Variants in SYNE1 observed in about 807,000 individuals in gnomAD.
SYNE1 encodes the protein spectrin repeat containing nuclear envelope protein 1, also known as nesprin-1.
In SYNE1, 616 loss-of-function variants were observed where a neutral mutation model predicts 1,111.0. That is an observed-to-expected ratio of 0.55 (90% confidence interval 0.52 to 0.59). The LOEUF (loss-of-function observed/expected upper bound fraction) is 0.59. SYNE1 is among the 20% of genes least tolerant of loss of function. The probability of loss-of-function intolerance (pLI) is 0.00; values close to 1 mark genes in which losing one functional copy is unlikely to be tolerated. For missense variants in SYNE1, 10,006 were observed against 10,417.0 expected, an observed-to-expected ratio of 0.96 and a Z score of 1.72; for synonymous variants, 3,855 against 3,825.8, an observed-to-expected ratio of 1.01 and a Z score of -0.28.
At chr6:152,376,123 C>A (rs909026993) in intron 58 of SYNE1, 1 of 449,094 alleles carries the variant, frequency 2.2e-6, no homozygotes, top group East Asian at 4.4e-5. Flanking sequence ...GAGCACACAG[C>A]CTAGTTCCTC....
intron 96 of SYNE1, among the ~76,000 whole-genome samples, chr6:152,283,269 T>A (rs2094137418): frequency 6.6e-6 from 1 of 152,224 alleles, no homozygotes; most frequent in Admixed American, 6.5e-5. Context: ...TGAATTACTA[T>A]GTCTGAATTG....
chr6:152,505,350 C>G lies in SYNE1; in HGVS notation c.629G>C (p.Gly210Ala). ...ATGAATAACTGAATGAAAGGCAACC[C>G]CGCTTCTCCAACTCTTCCCAAAATC... ...VKDFGKSWRS[G>A]VAFHSVIHAI... Residue 210 changes from glycine to alanine, a missense_variant, in exon 9 of 146, where the codon GGG becomes GCG. Physicochemically the swap from Gly to Ala is moderately conservative, Grantham distance 60 (BLOSUM62 0). Around this residue, in one of 7 missense-constraint regions of SYNE1, gnomAD observed 1,971 missense variants for 2,084.1 expected, o/e 0.95. Transcript: ENST00000367255. The G allele has an allele frequency of 6.2e-7, 1 of 1,614,040 alleles. No homozygotes were observed. The highest frequency in any genetic ancestry group is 8.5e-7 in the Non-Finnish European group (1 of 1,180,012).
intron 3 of SYNE1, among the ~76,000 whole-genome samples, chr6:152,551,743 T>C (rs1280574402): frequency 6.6e-6 from 1 of 152,220 alleles, no homozygotes; most frequent in Non-Finnish European, 1.5e-5. Flanking sequence ...CCTTCACATC[T>C]AAGAGTTTTC....
chr6:152,620,326 C>T (rs1216154645), intron 3 of SYNE1, among the ~76,000 whole-genome samples: 11 of 152,180 alleles, frequency 7.2e-5, no homozygotes, highest in South Asian at 2.1e-4. Flanking sequence ...CTTATCTGTC[C>T]GGGCTCCCTG....
At chr6:152,566,837 A>C (rs1296176111) in intron 3 of SYNE1, among the ~76,000 whole-genome samples, 1 of 152,176 alleles carries the variant, frequency 6.6e-6, no homozygotes, top group Non-Finnish European at 1.5e-5. Flanking sequence ...TTTTTGTGGC[A>C]CTGCCAAGCA....
chr6:152,407,771 T>C (rs2097922436), intron 44 of SYNE1, among the ~76,000 whole-genome samples: 1 of 150,534 alleles, frequency 6.6e-6, no homozygotes, highest in African/African-American at 2.4e-5. Flanking sequence ...TCTTTTTTTT[T>C]TTTTTTTTGA....
At chr6:152,191,011 C>A (rs1224561305) in intron 127 of SYNE1, among the ~76,000 whole-genome samples, 1 of 152,198 alleles carries the variant, frequency 6.6e-6, no homozygotes, top group East Asian at 1.9e-4. Context: ...AAATGCTTTT[C>A]AGCATCAATA....
At chr6:152,282,189 T>A (rs1465177856) in intron 96 of SYNE1, 3 of 603,486 alleles carry the variant, frequency 5.0e-6, no homozygotes. Context: ...AAAGACTCCC[T>A]AGTGATTTTA....
intron 86 of SYNE1, 50 bp downstream of exon 86, chr6:152,318,031 A>G: frequency 6.2e-7 from 1 of 1,601,566 alleles, no homozygotes; most frequent in Non-Finnish European, 8.6e-7. Context: ...AAAGCAGAAC[A>G]TGGAAGTTTC....
chr6:152,310,652 C>A (rs758326230), intron 88 of SYNE1, 36 bp downstream of exon 88: 1 of 1,609,652 alleles, frequency 6.2e-7, no homozygotes, highest in African/African-American at 1.3e-5. Context: ...CAATGATAGA[C>A]ATTTTTTTCT....
At chr6:152,162,966 T>TAA (rs1217229585) in intron 131 of SYNE1, among the ~76,000 whole-genome samples, 1 of 152,192 alleles carries the variant, frequency 6.6e-6, no homozygotes, top group Non-Finnish European at 1.5e-5. Flanking sequence ...TTCATTGGCT[T>TAA]AAATAGTCTG....
At position 152,231,480 on chromosome 6, in the gene SYNE1, T is replaced by C; in HGVS notation, c.20950A>G (p.Ser6984Gly). The change falls in exon 114 of 146, where the codon AGT (serine) becomes GGT (glycine). Residue 6984 changes from serine to glycine, a missense_variant. Ser to Gly is a moderately conservative substitution (Grantham distance 56). Around this residue, in one of 7 missense-constraint regions of SYNE1, gnomAD observed 2,182 missense variants for 2,287.8 expected, o/e 0.95. Coordinates refer to ENST00000367255, the MANE Select transcript of SYNE1 (RefSeq NM_182961.4). Reference protein sequence around the residue: ...VLQISSQDVESKRSDKTDFAE... With the variant: ...VLQISSQDVEGKRSDKTDFAE... ...AAATCAGTCTTATCACTACGCTTAC[T>C]TTCCACATCCTGACTGCTGATTTGT... 1 of 1,614,210 alleles carries C rather than the reference T, an allele frequency of 6.2e-7. No homozygotes were observed. Among genetic ancestry groups the C allele is most frequent in the Non-Finnish European group, 8.5e-7 (1 of 1,180,032 alleles).
At chr6:152,215,712 C>A (rs1043413729) in intron 121 of SYNE1, among the ~76,000 whole-genome samples, 1 of 152,154 alleles carries the variant, frequency 6.6e-6, no homozygotes, top group African/African-American at 2.4e-5. Flanking sequence ...CAAGTAAGAA[C>A]TCATTTTATC....
chr6:152,284,673 A>G (rs2094230370), intron 95 of SYNE1, among the ~76,000 whole-genome samples: 1 of 140,514 alleles, frequency 7.1e-6, no homozygotes, highest in African/African-American at 2.7e-5. Flanking sequence ...TATGTTGCCC[A>G]GGCTGGTCTC....
chr6:152,554,341 C>T (rs1564818844), intron 3 of SYNE1, among the ~76,000 whole-genome samples: 1 of 151,922 alleles, frequency 6.6e-6, no homozygotes, highest in Non-Finnish European at 1.5e-5. Flanking sequence ...TTTGGGACTA[C>T]AGCCAAACAC....
At chr6:152,220,070 T>C (rs968382233) in intron 119 of SYNE1, among the ~76,000 whole-genome samples, 1 of 152,220 alleles carries the variant, frequency 6.6e-6, no homozygotes, top group African/African-American at 2.4e-5. Flanking sequence ...ATTATGTGGA[T>C]GAAAAAAGCA....
At chr6:152,142,436 A>T (rs114413775) in intron 138 of SYNE1, among the ~76,000 whole-genome samples, 5,946 of 151,136 alleles carry the variant, frequency 0.039, 140 homozygotes, top group Non-Finnish European at 0.048. Context: ...GCTGTTTTAT[A>T]AAAAAAATGT....
At chr6:152,271,433 C>G (rs558204003) in intron 98 of SYNE1, among the ~76,000 whole-genome samples, 5 of 152,248 alleles carry the variant, frequency 3.3e-5, no homozygotes, top group African/African-American at 1.2e-4. Context: ...CCAGAGATTG[C>G]AGTTTAGGTA....
At chr6:152,365,525 T>C (rs1407589667) in intron 62 of SYNE1, among the ~76,000 whole-genome samples, 1 of 152,208 alleles carries the variant, frequency 6.6e-6, no homozygotes, top group Non-Finnish European at 1.5e-5. Flanking sequence ...AGTGGTGTAA[T>C]CATAGTTCAC....
Sources: allele counts gnomAD v4.1 joint callset (sites outside exome capture counted in the v4.1 genomes callset), GRCh38; gene constraint gnomAD v4.1.1; regional missense constraint gnomAD v4.1.1; transcripts MANE v1.5; gene names NCBI Gene and HGNC (gene_info 2026-07-23, HGNC 2026-07-21).